The following PIGF variants were observed in gnomAD, a reference collection of about 807,000 sequenced individuals.
The protein encoded by PIGF is phosphatidylinositol glycan anchor biosynthesis class F, also known as GPI ethanolamine phosphate transferase, stabilizing subunit.
PIGF carries 23 observed loss-of-function variants against 26.0 expected under a neutral mutation model. The ratio of observed to expected loss-of-function variants is 0.88; its 90% CI spans 0.64 to 1.25. The LOEUF (loss-of-function observed/expected upper bound fraction) is 1.25, where lower values mean the gene tolerates loss of function less well. Among genes scored for constraint, PIGF ranks in the 50% most tolerant of loss-of-function variants. The pLI, the probability that PIGF is intolerant of heterozygous loss-of-function variation, is 0.00. For synonymous variants in PIGF, 93 were observed against 92.6 expected, an observed-to-expected ratio of 1.00 and a Z score of -0.03; for missense variants, 278 against 249.9, an observed-to-expected ratio of 1.11 and a Z score of -0.76.
intron 5 of PIGF, chr2:46,591,768 C>G: frequency 3.3e-6 from 4 of 1,208,084 alleles, no homozygotes; most frequent in Non-Finnish European, 4.3e-6. Context: ...TGTCAGTTTC[C>G]TCATCTGTAA....
At position 46,617,035 on chromosome 2, in the gene PIGF, G is replaced by T. The variant is rs561884991; in HGVS notation, c.-87C>A. 39 of 588,298 alleles carry T rather than the reference G, an allele frequency of 6.6e-5. No individual in the cohort carries two copies. The South Asian group carries it at 7.3e-4, about 11-fold the overall frequency. 36.4% of individuals were successfully genotyped at this position (588,298 alleles called of 1,614,324 possible). A position where few individuals can be genotyped will look rare whatever the true frequency, so the allele number is the denominator to read the frequency against. On this transcript the variant is annotated 5_prime_UTR_variant, in exon 1 of 6. Coordinates refer to ENST00000281382, the MANE Select transcript of PIGF (RefSeq NM_002643.4). ...CCTCCTACCATCAGGTACGACGGGC[G>T]GCCCAGGCCCACGCGCAGGCGCAGG...
intron 4 of PIGF, among the ~76,000 whole-genome samples, chr2:46,611,175 T>C (rs1670401961): frequency 1.3e-5 from 2 of 152,112 alleles, no homozygotes; most frequent in South Asian, 4.1e-4. Flanking sequence ...CTTGAACAGA[T>C]AAGCTCCTCA....
intron 4 of PIGF, among the ~76,000 whole-genome samples, chr2:46,594,752 T>A (rs1283130819): frequency 6.6e-6 from 1 of 151,890 alleles, no homozygotes; most frequent in East Asian, 1.9e-4. Flanking sequence ...GCCAGGCTGG[T>A]CTCGAACTCC....
chr2:46,601,986 G>C (rs1407433759), intron 4 of PIGF, among the ~76,000 whole-genome samples: 1 of 151,548 alleles, frequency 6.6e-6, no homozygotes, highest in Non-Finnish European at 1.5e-5. Context: ...GAACTATATG[G>C]GTGTATAGTA....
intron 2 of PIGF, chr2:46,614,175 T>G (rs1670530668): frequency 6.5e-6 from 1 of 153,670 alleles, no homozygotes; most frequent in African/African-American, 2.4e-5. Flanking sequence ...ATAACAATTT[T>G]TTTCATTTTA....
intron 4 of PIGF, among the ~76,000 whole-genome samples, chr2:46,596,678 A>C (rs907488172): frequency 6.6e-6 from 1 of 151,946 alleles, no homozygotes; most frequent in Non-Finnish European, 1.5e-5. Context: ...AAAAAAACAT[A>C]AATTAAGTAT....
At chr2:46,590,197 T>C (rs997672313) in intron 5 of PIGF, among the ~76,000 whole-genome samples, 5 of 152,220 alleles carry the variant, frequency 3.3e-5, no homozygotes, top group African/African-American at 9.6e-5. Context: ...AGAAAATCTT[T>C]TTAAAAAGTC....
At chr2:46,613,496 G>C (rs1670492546) in intron 3 of PIGF, among the ~76,000 whole-genome samples, 198 bp downstream of exon 3, 1 of 151,958 alleles carries the variant, frequency 6.6e-6, no homozygotes, top group Non-Finnish European at 1.5e-5. Flanking sequence ...TAGAAGGCTA[G>C]GTAACAAGAG....
intron 4 of PIGF, among the ~76,000 whole-genome samples, chr2:46,595,688 C>T (rs1046217635): frequency 6.6e-6 from 1 of 152,170 alleles, no homozygotes; most frequent in African/African-American, 2.4e-5. Context: ...CCAGACTCTT[C>T]CAAAATGGCT....
At chr2:46,607,454 T>C (rs1289324003) in intron 4 of PIGF, among the ~76,000 whole-genome samples, 2 of 152,234 alleles carry the variant, frequency 1.3e-5, no homozygotes, top group South Asian at 2.1e-4. Context: ...GTGAGTCATA[T>C]GTATTTTCTG....
At chr2:46,612,463 C>T in intron 3 of PIGF, 119 bp from the exon 4 acceptor site, 2 of 397,804 alleles carry the variant, frequency 5.0e-6, no homozygotes, top group East Asian at 3.9e-5. Flanking sequence ...TGAAAGGTAA[C>T]ATGAATGCCA....
rs745736781 is a variant in PIGF at position 46,615,182 on chromosome 2, C to G, written c.-18G>C. Reference sequence around the variant, plus strand: ...TCTTTCATGGTGTTTTCTTGGATGGCTAGCTAACAAAAAACAAGAAAAGAA... The same window carrying G: ...TCTTTCATGGTGTTTTCTTGGATGGGTAGCTAACAAAAAACAAGAAAAGAA... On this transcript the variant is annotated 5_prime_UTR_variant, in exon 2 of 6. Coordinates refer to ENST00000281382, the MANE Select transcript of PIGF (RefSeq NM_002643.4). The G allele has an allele frequency of 2.5e-6, 3 of 1,207,968 alleles. No homozygotes were observed. The South Asian group carries it at 3.8e-5, about 15-fold the overall frequency. 74.8% of individuals were successfully genotyped at this position (1,207,968 alleles called of 1,614,324 possible). A position where few individuals can be genotyped will look rare whatever the true frequency, so the allele number is the denominator to read the frequency against.
At chr2:46,605,312 G>C (rs763212704) in intron 4 of PIGF, among the ~76,000 whole-genome samples, 4 of 152,040 alleles carry the variant, frequency 2.6e-5, no homozygotes, top group Non-Finnish European at 5.9e-5. Flanking sequence ...GAAACATAAA[G>C]ACTTAGATTC....
chr2:46,612,198 A>G, intron 4 of PIGF, 30 bp downstream of exon 4: 4 of 648,784 alleles, frequency 6.2e-6, no homozygotes, highest in African/African-American at 1.9e-5. Flanking sequence ...TTTAATTTCA[A>G]TATCATTATA....
At chr2:46,604,548 T>G (rs1012207039) in intron 4 of PIGF, among the ~76,000 whole-genome samples, 4 of 151,972 alleles carry the variant, frequency 2.6e-5, no homozygotes, top group Non-Finnish European at 5.9e-5. Flanking sequence ...AATGAGTTCC[T>G]GCCATTTGCA....
rs73926519 is a variant in PIGF, at chr2:46,602,416, A to C, written c.437+9812T>G. On this transcript the variant is annotated intron_variant, in intron 4 of 5. Coordinates refer to ENST00000281382, the MANE Select transcript of PIGF (RefSeq NM_002643.4). ...TTTCTACAAACATGCAAATAAATAC[A>C]TTAAAAACTAGTATATAAACTTATT... is the stretch of plus-strand genomic sequence containing the variant. 3.9e-3 allele frequency among the ~76,000 whole-genome samples: 588 copies of C among 152,090 alleles called. 3 individuals carry two copies. Among genetic ancestry groups the C allele is most frequent in the African/African-American group, 0.013 (557 of 41,550 alleles).
chr2:46,590,425 T>C (rs781154310), intron 5 of PIGF, among the ~76,000 whole-genome samples: 187 of 152,078 alleles, frequency 1.2e-3, no homozygotes, highest in Non-Finnish European at 2.0e-3. Flanking sequence ...TATTCATTCC[T>C]CTTAGTTCAG....
chr2:46,606,085 G>A (rs1216598516), intron 4 of PIGF, among the ~76,000 whole-genome samples: 3 of 152,110 alleles, frequency 2.0e-5, no homozygotes, highest in African/African-American at 7.2e-5. Context: ...GCAATTTCCT[G>A]ACATAAGCCT....
intron 4 of PIGF, among the ~76,000 whole-genome samples, chr2:46,604,044 T>A (rs1001223966): frequency 6.6e-6 from 1 of 151,894 alleles, no homozygotes; most frequent in Non-Finnish European, 1.5e-5. Flanking sequence ...AATTTACAAA[T>A]GGGCAAAAGA....
Sources: gnomAD v4.1 joint callset for allele counts (sites outside exome capture counted in the v4.1 genomes callset) on GRCh38, gnomAD v4.1.1 for gene constraint, MANE v1.5 for transcripts, NCBI Gene and HGNC (gene_info 2026-07-23, HGNC 2026-07-21) for gene names.